COL4A1: variants seen among roughly 807,000 people sequenced by gnomAD.
COL4A1 encodes collagen type IV alpha 1 chain, also known as collagen alpha-1(IV) chain.
Under a neutral mutation model 216.6 loss-of-function variants are expected in COL4A1, and 40 were observed. The ratio of observed to expected loss-of-function variants is 0.18; its 90% confidence interval spans 0.14 to 0.24. The LOEUF is 0.24. Ranked by LOEUF, COL4A1 falls within the 10% of genes least tolerant of loss-of-function variation. The probability of loss-of-function intolerance (pLI) is 1.00; values close to 1 mark genes in which losing one functional copy is unlikely to be tolerated. For synonymous variants in COL4A1, 839 were observed against 810.7 expected (o/e 1.03, Z -0.59); for missense variants, 1,628 against 2,196.8 (o/e 0.74, Z 5.18).
At chr13:110,219,707 C>A (rs1192190) in intron 2 of COL4A1, among the ~76,000 whole-genome samples, 1 of 37,198 alleles carries the variant, frequency 2.7e-5, no homozygotes. Flanking sequence ...TATGTATATA[C>A]ATATGTGTAT....
At chr13:110,187,890 T>A (rs1878470486) in intron 24 of COL4A1, among the ~76,000 whole-genome samples, 1 of 152,186 alleles carries the variant, frequency 6.6e-6, no homozygotes, top group Non-Finnish European at 1.5e-5. Flanking sequence ...CTTCCTTTTA[T>A]GCTCATGCCC....
At chr13:110,231,534 T>C (rs9521657) in intron 2 of COL4A1, among the ~76,000 whole-genome samples, 138 of 152,310 alleles carry the variant, frequency 9.1e-4, no homozygotes, top group Non-Finnish European at 1.3e-3. Context: ...AGCCGTGCCT[T>C]CTCCCTCCCT....
chr13:110,195,263 G>GGCTAT (rs1463592319), intron 21 of COL4A1, 145 bp from the exon 22 acceptor site: 1 of 738,606 alleles, frequency 1.4e-6, no homozygotes, highest in Non-Finnish European at 2.4e-6. Context: ...AATCATCTTA[G>GGCTAT]GCTATCCACC....
chr13:110,169,842 C>A, intron 42 of COL4A1, 80 bp from the exon 43 acceptor site: 1 of 1,517,964 alleles, frequency 6.6e-7, no homozygotes. Context: ...TCAATACTGC[C>A]ACCCACGGCC....
At chr13:110,173,681 T>A (rs1594547530) in intron 40 of COL4A1, among the ~76,000 whole-genome samples, 1 of 152,158 alleles carries the variant, frequency 6.6e-6, no homozygotes, top group Non-Finnish European at 1.5e-5. Flanking sequence ...CAGGGGAAGA[T>A]GCCCTCAGTA....
intron 50 of COL4A1, among the ~76,000 whole-genome samples, chr13:110,152,761 C>T (rs1876570004): frequency 6.6e-6 from 1 of 152,232 alleles, no homozygotes; most frequent in African/African-American, 2.4e-5. Flanking sequence ...AATAGGTGAC[C>T]AGCCCAGCTT....
chr13:110,163,984 CTTTTTTTTTT>C (rs58236306), intron 46 of COL4A1, among the ~76,000 whole-genome samples: 5 of 110,230 alleles, frequency 4.5e-5, no homozygotes, highest in Non-Finnish European at 3.6e-5. Flanking sequence ...TTCTCTCTCT[CTTTTTTTTTT>C]TTTTTTTTTT....
chr13:110,233,292 TA>T (rs1336286377), intron 2 of COL4A1, among the ~76,000 whole-genome samples: 2 of 151,852 alleles, frequency 1.3e-5, no homozygotes, highest in Non-Finnish European at 2.9e-5. Context: ...AAATAGGAAA[TA>T]GGGGACATCT....
Position 110,152,465 on chromosome 13 carries a change from C to A in COL4A1, c.4797G>T (p.Ala1599=), listed in dbSNP as rs146638269. The A allele has an allele frequency of 2.5e-6, 4 of 1,613,778 alleles. No individual in the cohort carries two copies. The Admixed American group carries it at 5.0e-5, about 20-fold the overall frequency. ...AGAEGSGQAL[A]SPGSCLEEFR... ...ACTCCTCCAGGCAGGAGCCGGGGGA[C>A]GCCAGGGCTTGGCCAGAGCCTTCTG... Residue 1599 remains alanine, a synonymous_variant, in exon 51 of 52, where the codon GCG becomes GCT. Coordinates refer to ENST00000375820, the MANE Select transcript of COL4A1 (RefSeq NM_001845.6).
intron 23 of COL4A1, 104 bp from the exon 24 acceptor site, chr13:110,192,388 G>A: frequency 9.4e-7 from 1 of 1,066,718 alleles, no homozygotes; most frequent in South Asian, 1.3e-5. Flanking sequence ...ATAGGAAGTG[G>A]ATGATTGCTT....
At chr13:110,223,403 T>C (rs1880594023) in intron 2 of COL4A1, among the ~76,000 whole-genome samples, 1 of 152,182 alleles carries the variant, frequency 6.6e-6, no homozygotes, top group South Asian at 2.1e-4. Flanking sequence ...TCTATCCAGT[T>C]TTTTGGATCC....
chr13:110,244,815 G>A (rs1248798149), intron 1 of COL4A1, among the ~76,000 whole-genome samples: 1 of 152,128 alleles, frequency 6.6e-6, no homozygotes, highest in African/African-American at 2.4e-5. Flanking sequence ...CTTCATCTAA[G>A]ACGACACCAA....
At chr13:110,257,746 C>T (rs1230793709) in intron 1 of COL4A1, among the ~76,000 whole-genome samples, 2 of 152,180 alleles carry the variant, frequency 1.3e-5, no homozygotes, top group Admixed American at 6.5e-5. Flanking sequence ...AAAGAGAATA[C>T]ATAAATAGAG....
rs377386481 is a variant in COL4A1 at position 110,182,392 on chromosome 13, C to T, written c.2095+601G>A. Among the ~76,000 whole-genome samples the T allele has an allele frequency of 7.0e-4, 107 of 152,314 alleles. 2 individuals are homozygous for T. The South Asian group carries it at 0.022, about 31-fold the overall frequency. On this transcript the variant is annotated intron_variant, in intron 28 of 51. Transcript: ENST00000375820. ...TGTTGTACGAAGACAAACTTCCTTACACAACACGTCCCTTTTGTGCTCACA... is the reference window on the plus strand; with the variant it reads ...TGTTGTACGAAGACAAACTTCCTTATACAACACGTCCCTTTTGTGCTCACA...
chr13:110,256,789 A>G (rs1284541649), intron 1 of COL4A1, among the ~76,000 whole-genome samples: 1 of 152,152 alleles, frequency 6.6e-6, no homozygotes, highest in African/African-American at 2.4e-5. Context: ...TAGCAAATAG[A>G]TATTCTTTCC....
chr13:110,245,668 T>A (rs1039329406), intron 1 of COL4A1, among the ~76,000 whole-genome samples: 3 of 152,244 alleles, frequency 2.0e-5, no homozygotes, highest in African/African-American at 7.2e-5. Flanking sequence ...GTTATAAAAA[T>A]GAATTTCCTG....
At chr13:110,153,824 T>C (rs1222373698) in intron 50 of COL4A1, among the ~76,000 whole-genome samples, 1 of 151,960 alleles carries the variant, frequency 6.6e-6, no homozygotes, top group Non-Finnish European at 1.5e-5. Context: ...TTTCTACACT[T>C]GGAAAAATGT....
At chr13:110,294,939 C>T (rs936066759) in intron 1 of COL4A1, among the ~76,000 whole-genome samples, 1 of 152,134 alleles carries the variant, frequency 6.6e-6, no homozygotes, top group Non-Finnish European at 1.5e-5. Context: ...AGGAAATGCA[C>T]ACATGGTCTA....
At chr13:110,229,019 G>A (rs1880883705) in intron 2 of COL4A1, among the ~76,000 whole-genome samples, 1 of 152,164 alleles carries the variant, frequency 6.6e-6, no homozygotes, top group Non-Finnish European at 1.5e-5. Flanking sequence ...CACAAACTTT[G>A]GTTTTCCCAT....
Sources: gnomAD v4.1 joint callset for allele counts (sites outside exome capture counted in the v4.1 genomes callset) on GRCh38, gnomAD v4.1.1 for gene constraint, MANE v1.5 for transcripts, NCBI Gene and HGNC (gene_info 2026-07-23, HGNC 2026-07-21) for gene names.